The following RUNX2 variants were observed in gnomAD, a reference collection of about 807,000 sequenced individuals.
The protein encoded by RUNX2 is RUNX family transcription factor 2.
Under a neutral mutation model 51.7 loss-of-function variants are expected in RUNX2, and 10 were observed. The ratio of observed to expected loss-of-function variants is 0.19; its 90% confidence interval spans 0.12 to 0.33. The LOEUF is 0.33. Ranked by LOEUF, RUNX2 falls within the 10% of genes least tolerant of loss-of-function variation. The pLI, the probability that RUNX2 is intolerant of heterozygous loss-of-function variation, is 1.00. For missense variants in RUNX2, 562 were observed against 691.3 expected, an observed-to-expected ratio of 0.81 and a Z score of 2.10; for synonymous variants, 276 against 273.6, an observed-to-expected ratio of 1.01 and a Z score of -0.09.
intron 2 of RUNX2, among the ~76,000 whole-genome samples, chr6:45,356,841 T>C (rs1224054169): frequency 6.6e-6 from 1 of 152,230 alleles, no homozygotes; most frequent in African/African-American, 2.4e-5. Context: ...CAAGATTTAT[T>C]CCACTATATT....
intron 7 of RUNX2, among the ~76,000 whole-genome samples, chr6:45,520,779 G>C (rs565234409): frequency 6.6e-6 from 1 of 152,000 alleles, no homozygotes; most frequent in Non-Finnish European, 1.5e-5. Context: ...GGAGTGCAGT[G>C]GTGTGATCTC....
intron 2 of RUNX2, among the ~76,000 whole-genome samples, chr6:45,401,362 A>G (rs371754415): frequency 7.9e-5 from 12 of 152,188 alleles, no homozygotes; most frequent in African/African-American, 2.7e-4. Flanking sequence ...ATACTCTTTA[A>G]TCCATTTAAC....
In RUNX2 at chr6:45,547,441, A is replaced by G. The variant is rs1561822705; in HGVS notation, c.*136A>G. 11 of 757,832 alleles carry G rather than the reference A, an allele frequency of 1.5e-5. No homozygotes were observed. Among genetic ancestry groups the G allele is most frequent in the Middle Eastern group, 3.7e-4 (1 of 2,684 alleles). The allele number at this position is 757,832 out of a possible 1,614,324, so 46.9% of individuals were successfully genotyped here. A position where few individuals can be genotyped will look rare whatever the true frequency, so the allele number is the denominator to read the frequency against. On this transcript the variant is annotated 3_prime_UTR_variant, in exon 9 of 9. Coordinates refer to ENST00000647337, the MANE Select transcript of RUNX2 (RefSeq NM_001024630.4). ...GTGCCTATTTTTTAGAAGATTTTTCATTCACTCACTCAGTCATGATCTTGC... is the reference window on the plus strand; with the variant it reads ...GTGCCTATTTTTTAGAAGATTTTTCGTTCACTCACTCAGTCATGATCTTGC...
intron 6 of RUNX2, among the ~76,000 whole-genome samples, chr6:45,511,043 T>A (rs965903877): frequency 6.6e-6 from 1 of 152,200 alleles, no homozygotes; most frequent in African/African-American, 2.4e-5. Context: ...ATTAGAATTT[T>A]AAAAATTAAC....
chr6:45,351,864 G>A (rs1792125117), intron 2 of RUNX2, among the ~76,000 whole-genome samples: 1 of 152,102 alleles, frequency 6.6e-6, no homozygotes, highest in African/African-American at 2.4e-5. Context: ...TTGAAAAAGA[G>A]TAATACAGCC....
chr6:45,350,470 A>G (rs1791782525), intron 2 of RUNX2, among the ~76,000 whole-genome samples: 1 of 152,198 alleles, frequency 6.6e-6, no homozygotes, highest in Non-Finnish European at 1.5e-5. Context: ...CTATTTCAAC[A>G]AAGGAAGCAG....
At chr6:45,379,369 C>A (rs933306910) in intron 2 of RUNX2, among the ~76,000 whole-genome samples, 2 of 152,094 alleles carry the variant, frequency 1.3e-5, no homozygotes, top group African/African-American at 4.8e-5. Context: ...AATTAGTTAA[C>A]AGAAGATTAA....
chr6:45,454,971 G>T (rs534946792), intron 5 of RUNX2, among the ~76,000 whole-genome samples: 1 of 152,232 alleles, frequency 6.6e-6, no homozygotes, highest in South Asian at 2.1e-4. Flanking sequence ...AAAATTTGCT[G>T]GGCATGGTGG....
At chr6:45,337,975 A>C (rs1788940947) in intron 2 of RUNX2, among the ~76,000 whole-genome samples, 1 of 151,972 alleles carries the variant, frequency 6.6e-6, no homozygotes, top group African/African-American at 2.4e-5. Flanking sequence ...AGGATTCTAA[A>C]TGCTTCTTTC....
intron 3 of RUNX2, 58 bp downstream of exon 3, chr6:45,423,015 T>C (rs1798266097): frequency 6.3e-7 from 1 of 1,585,174 alleles, no homozygotes. Context: ...TGCCCGCCGG[T>C]GTCTTCCTGC....
intron 2 of RUNX2, among the ~76,000 whole-genome samples, chr6:45,389,578 G>T (rs776039567): frequency 1.3e-5 from 2 of 152,164 alleles, no homozygotes; most frequent in South Asian, 2.1e-4. Context: ...AGCTCTGAAA[G>T]TTTATTTGTA....
intron 2 of RUNX2, among the ~76,000 whole-genome samples, chr6:45,405,740 CTG>C (rs1054079599): frequency 2.6e-5 from 4 of 151,912 alleles, no homozygotes; most frequent in African/African-American, 9.7e-5. Flanking sequence ...TGAGCTGAGA[CTG>C]TGCCACTGCA....
intron 2 of RUNX2, among the ~76,000 whole-genome samples, chr6:45,380,470 C>G (rs920079340): frequency 6.6e-6 from 1 of 152,214 alleles, no homozygotes; most frequent in Non-Finnish European, 1.5e-5. Flanking sequence ...AGTAAAAGTG[C>G]CCATGGGCAT....
At chr6:45,510,808 C>T (rs933366478) in intron 6 of RUNX2, among the ~76,000 whole-genome samples, 3 of 151,698 alleles carry the variant, frequency 2.0e-5, no homozygotes, top group Non-Finnish European at 4.4e-5. Context: ...CTAGTTTTCT[C>T]TTAATCGTTT....
chr6:45,523,268 A>G (rs1307393610), intron 7 of RUNX2, among the ~76,000 whole-genome samples: 1 of 151,950 alleles, frequency 6.6e-6, no homozygotes, highest in Non-Finnish European at 1.5e-5. Context: ...TATTATTATT[A>G]TTTTATTAAT....
At chr6:45,421,705 C>T (rs1334617685) in intron 2 of RUNX2, 1 of 152,258 alleles carries the variant, frequency 6.6e-6, no homozygotes, top group Non-Finnish European at 1.5e-5. Flanking sequence ...GAGATTGCCC[C>T]TAGTCTGGGG....
In RUNX2 at chr6:45,408,062, A is replaced by G. The variant is rs1175670937; in HGVS notation, c.59-14531A>G. On this transcript the variant is annotated intron_variant, in intron 2 of 8. Transcript: ENST00000647337. Reference sequence around the variant, plus strand: ...TAAACAATTATTAAACATGAAAGTTAACTGTTTTTTTGGAAATACATCTCT... The same window carrying G: ...TAAACAATTATTAAACATGAAAGTTGACTGTTTTTTTGGAAATACATCTCT... 7.9e-5 allele frequency among the ~76,000 whole-genome samples: 12 copies of G among 152,320 alleles called. No homozygotes were observed. The East Asian group carries it at 2.1e-3, about 27-fold the overall frequency.
At chr6:45,430,759 GTGGGCTACT>G (rs374654433) in intron 3 of RUNX2, among the ~76,000 whole-genome samples, 2 of 152,170 alleles carry the variant, frequency 1.3e-5, no homozygotes, top group African/African-American at 4.8e-5. Context: ...TCAGACAGCT[GTGGGCTACT>G]TGAGCTGCGG....
chr6:45,505,707 CT>C lies in RUNX2; in HGVS notation c.860-6538del, dbSNP rs563401015. Among the ~76,000 whole-genome samples the C allele has an allele frequency of 1.9e-3, 287 of 152,306 alleles. 1 individual carries two copies. Among genetic ancestry groups the C allele is most frequent in the Middle Eastern group, 0.01 (3 of 294 alleles). On this transcript the variant is annotated intron_variant, in intron 6 of 8. Coordinates refer to ENST00000647337, the MANE Select transcript of RUNX2 (RefSeq NM_001024630.4). ...CCCAACTAGCATTTTTGAGCACCCC[CT>C]GGGTACGGTTTTGCCTTCTGTGCTT...
Sources: allele counts gnomAD v4.1 joint callset (sites outside exome capture counted in the v4.1 genomes callset), GRCh38; gene constraint gnomAD v4.1.1; transcripts MANE v1.5; gene names NCBI Gene and HGNC (gene_info 2026-07-23, HGNC 2026-07-21).